Variants in JARID2 observed in about 807,000 individuals in gnomAD.
JARID2 encodes protein Jumonji.
JARID2 carries 21 observed loss-of-function variants against 125.6 expected under a neutral mutation model. The ratio of observed to expected loss-of-function variants is 0.17; its 90% CI spans 0.12 to 0.24. The LOEUF is 0.24. JARID2 is among the 10% of genes least tolerant of loss of function. The pLI, the probability that JARID2 is intolerant of heterozygous loss-of-function variation, is 1.00. For synonymous variants in JARID2, 736 were observed against 661.6 expected (o/e 1.11, Z -1.73); for missense variants, 1,303 against 1,639.6 (o/e 0.79, Z 3.55).
chr6:15,488,729 T>C (rs1162877138), intron 6 of JARID2, among the ~76,000 whole-genome samples: 1 of 152,186 alleles, frequency 6.6e-6, no homozygotes, highest in African/African-American at 2.4e-5. Context: ...TGTGAACCTT[T>C]ACCTAGCAAA....
intron 1 of JARID2, among the ~76,000 whole-genome samples, chr6:15,330,380 A>G (rs541885872): frequency 1.3e-5 from 2 of 152,354 alleles, no homozygotes; most frequent in Admixed American, 6.5e-5. Context: ...GGAATGGTTA[A>G]GTTGATCCAC....
chr6:15,333,692 T>C (rs760056058), intron 1 of JARID2, among the ~76,000 whole-genome samples: 1 of 152,214 alleles, frequency 6.6e-6, no homozygotes, highest in Admixed American at 6.5e-5. Context: ...TTCCTTATTA[T>C]TGCTGAAAAA....
intron 2 of JARID2, among the ~76,000 whole-genome samples, chr6:15,389,832 G>T (rs565147054): frequency 6.6e-6 from 1 of 152,182 alleles, no homozygotes; most frequent in South Asian, 2.1e-4. Context: ...TAATATGATG[G>T]TATGGACCCC....
At chr6:15,437,069 A>G (rs1032524772) in intron 3 of JARID2, among the ~76,000 whole-genome samples, 1 of 152,078 alleles carries the variant, frequency 6.6e-6, no homozygotes, top group Non-Finnish European at 1.5e-5. Context: ...GTTCAGCTTC[A>G]GCATAGATTC....
intron 1 of JARID2, among the ~76,000 whole-genome samples, chr6:15,260,931 G>T (rs980413346): frequency 6.6e-6 from 1 of 152,158 alleles, no homozygotes; most frequent in Non-Finnish European, 1.5e-5. Flanking sequence ...TATTCAAGTA[G>T]CCTTTTTTTC....
At chr6:15,450,102 A>C (rs1299225278) in intron 3 of JARID2, among the ~76,000 whole-genome samples, 1 of 152,162 alleles carries the variant, frequency 6.6e-6, no homozygotes, top group Non-Finnish European at 1.5e-5. Flanking sequence ...TTACTATTTT[A>C]TATAATCCAC....
At chr6:15,255,392 T>C (rs1759626050) in intron 1 of JARID2, among the ~76,000 whole-genome samples, 1 of 152,124 alleles carries the variant, frequency 6.6e-6, no homozygotes, top group Admixed American at 6.5e-5. Flanking sequence ...CGTGAGCCAC[T>C]GCGCCTGGCC....
intron 2 of JARID2, among the ~76,000 whole-genome samples, chr6:15,391,620 A>G (rs928378673): frequency 6.6e-6 from 1 of 152,238 alleles, no homozygotes; most frequent in Admixed American, 6.5e-5. Context: ...GCAATCTGTC[A>G]AATCATATTA....
In JARID2 at chr6:15,498,231, T is replaced by G. The variant is rs565586552; in HGVS notation, c.1945+1061T>G. ...TGTCAAGGCCACAGGTCAAGGGATC[T>G]GTTGACCTTTTTTCTGAGACCAGGT... On this transcript the variant is annotated intron_variant, in intron 7 of 17. Transcript: ENST00000341776. Among the ~76,000 whole-genome samples the G allele has an allele frequency of 3.9e-5, 6 of 152,316 alleles. No individual in the cohort carries two copies. The East Asian group carries it at 1.2e-3, about 29-fold the overall frequency.
At position 15,499,320 on chromosome 6, in the gene JARID2, G is replaced by GC. The variant is rs1204786522; in HGVS notation, c.1946-1586dup. Among the ~76,000 whole-genome samples, 6 of 152,180 alleles carry GC rather than the reference G, an allele frequency of 3.9e-5. 1 individual carries two copies. The highest frequency in any genetic ancestry group is 1.4e-4 in the African/African-American group (6 of 41,430). Reference sequence around the variant, plus strand: ...GTCCCAGGGAGCCGCCGTGCCGCTGGCGGGAGTTGGGTGGGGAAGGGGCTC... The same window carrying GC: ...GTCCCAGGGAGCCGCCGTGCCGCTGGCCGGGAGTTGGGTGGGGAAGGGGCTC... On this transcript the variant is annotated intron_variant, in intron 7 of 17. Coordinates refer to ENST00000341776, the MANE Select transcript of JARID2 (RefSeq NM_004973.4).
chr6:15,422,214 T>C (rs1214214688), intron 3 of JARID2, among the ~76,000 whole-genome samples: 1 of 152,204 alleles, frequency 6.6e-6, no homozygotes, highest in Non-Finnish European at 1.5e-5. Flanking sequence ...GATTACTTGT[T>C]GATTTTAGTG....
intron 1 of JARID2, among the ~76,000 whole-genome samples, chr6:15,267,837 G>A (rs1210946248): frequency 2.0e-5 from 3 of 152,112 alleles, no homozygotes; most frequent in South Asian, 2.1e-4. Flanking sequence ...GGATGTGTTT[G>A]TGTTGCTTGG....
At chr6:15,372,257 C>T (rs746258787) in intron 1 of JARID2, among the ~76,000 whole-genome samples, 7 of 152,160 alleles carry the variant, frequency 4.6e-5, no homozygotes, top group Non-Finnish European at 8.8e-5. Context: ...ACCAGTAAAA[C>T]AGCACCAGAC....
chr6:15,250,604 A>T (rs1039904105), intron 1 of JARID2, among the ~76,000 whole-genome samples: 34 of 152,220 alleles, frequency 2.2e-4, no homozygotes, highest in African/African-American at 8.2e-4. Context: ...AAGAAAAATT[A>T]TGTCGACAAG....
chr6:15,290,101 A>G (rs1761151071), intron 1 of JARID2, among the ~76,000 whole-genome samples: 2 of 152,142 alleles, frequency 1.3e-5, no homozygotes, highest in African/African-American at 2.4e-5. Context: ...TGAAATAGAG[A>G]ATATTTTCAT....
intron 1 of JARID2, among the ~76,000 whole-genome samples, chr6:15,322,106 T>A (rs967532938): frequency 1.3e-5 from 2 of 152,136 alleles, no homozygotes; most frequent in Non-Finnish European, 2.9e-5. Flanking sequence ...TTAGATTTAG[T>A]GTCTAGTGGT....
intron 1 of JARID2, among the ~76,000 whole-genome samples, chr6:15,291,369 TC>T (rs1441538947): frequency 1.3e-5 from 2 of 152,192 alleles, no homozygotes; most frequent in Non-Finnish European, 2.9e-5. Context: ...AACAAAAAAA[TC>T]CCTCACTTTT....
At chr6:15,303,230 A>G (rs1313351036) in intron 1 of JARID2, among the ~76,000 whole-genome samples, 2 of 152,258 alleles carry the variant, frequency 1.3e-5, no homozygotes, top group East Asian at 3.8e-4. Context: ...GATGTAAGGC[A>G]TTCATCCTAT....
At chr6:15,354,631 C>A (rs1389697096) in intron 1 of JARID2, among the ~76,000 whole-genome samples, 1 of 152,004 alleles carries the variant, frequency 6.6e-6, no homozygotes, top group African/African-American at 2.4e-5. Flanking sequence ...CTTAACATTC[C>A]CCAAGATCAT....
Sources: gnomAD v4.1 joint callset for allele counts (sites outside exome capture counted in the v4.1 genomes callset) on GRCh38, gnomAD v4.1.1 for gene constraint, MANE v1.5 for transcripts, NCBI Gene and HGNC (gene_info 2026-07-23, HGNC 2026-07-21) for gene names.